Variants in MGAT4C observed in about 807,000 individuals in gnomAD.
MGAT4C encodes the protein MGAT4 family member C, also known as alpha-1,3-mannosyl-glycoprotein 4-beta-N-acetylglucosaminyltransferase C.
In MGAT4C, 19 loss-of-function variants were observed where a neutral mutation model predicts 40.1. That is an observed-to-expected ratio of 0.47 (90% CI 0.33 to 0.70). The LOEUF (loss-of-function observed/expected upper bound fraction) is 0.70. Among genes scored for constraint, MGAT4C ranks in the 30% least tolerant of loss-of-function variants. MGAT4C has a pLI of 0.02. For synonymous variants in MGAT4C, 181 were observed against 187.1 expected, an observed-to-expected ratio of 0.97 and a Z score of 0.27; for missense variants, 491 against 563.2, an observed-to-expected ratio of 0.87 and a Z score of 1.30.
intron 2 of MGAT4C, among the ~76,000 whole-genome samples, chr12:86,508,575 G>A (rs1280819393): frequency 6.6e-6 from 1 of 152,002 alleles, no homozygotes; most frequent in African/African-American, 2.4e-5. Context: ...TATATACCCA[G>A]TAATGGGATG....
chr12:86,224,867 T>C (rs1951017796), intron 1 of MGAT4C, among the ~76,000 whole-genome samples: 1 of 151,966 alleles, frequency 6.6e-6, no homozygotes, highest in African/African-American at 2.4e-5. Context: ...TCTAACTTTG[T>C]ACATTAAGGA....
At chr12:86,571,873 T>A (rs913226335) in intron 2 of MGAT4C, among the ~76,000 whole-genome samples, 5 of 152,094 alleles carry the variant, frequency 3.3e-5, no homozygotes, top group African/African-American at 1.2e-4. Flanking sequence ...TCAGAAGCCC[T>A]TTTAAGAAGG....
rs1883579505 is a variant in MGAT4C at position 85,970,653 on chromosome 12, T to G, written c.*8636A>C. On this transcript the variant is annotated 3_prime_UTR_variant, in exon 5 of 5. Transcript: ENST00000611864. ...TAAAGTACTAATTGAATTTAGTGATTAGACTGTGATTAGACTATTACAAAT... is the reference window on the plus strand; with the variant it reads ...TAAAGTACTAATTGAATTTAGTGATGAGACTGTGATTAGACTATTACAAAT... 1 of 147,894 alleles carries G rather than the reference T, an allele frequency of 6.8e-6. No individual in the cohort carries two copies. Among genetic ancestry groups the G allele is most frequent in the African/African-American group, 2.4e-5 (1 of 41,160 alleles). The allele number at this position is 147,894 out of a possible 1,614,324, so 9.2% of individuals were successfully genotyped here. A position where few individuals can be genotyped will look rare whatever the true frequency, so the allele number is the denominator to read the frequency against.
intron 2 of MGAT4C, among the ~76,000 whole-genome samples, chr12:86,668,511 G>A (rs1410008071): frequency 2.0e-5 from 3 of 152,194 alleles, no homozygotes; most frequent in Admixed American, 2.0e-4. Flanking sequence ...ACTGGGAACA[G>A]CTGCAGACAT....
chr12:86,473,485 A>G (rs1362060025), intron 2 of MGAT4C, among the ~76,000 whole-genome samples: 1 of 152,178 alleles, frequency 6.6e-6, no homozygotes, highest in Non-Finnish European at 1.5e-5. Context: ...ATTACCAGAG[A>G]TTGATGGAGA....
intron 4 of MGAT4C, among the ~76,000 whole-genome samples, chr12:86,272,795 G>A (rs979779000): frequency 3.3e-5 from 5 of 152,124 alleles, no homozygotes; most frequent in Non-Finnish European, 7.3e-5. Flanking sequence ...CGAAGCTACA[G>A]TAAGCAGTGA....
At chr12:86,513,105 G>C (rs975204613) in intron 2 of MGAT4C, among the ~76,000 whole-genome samples, 3 of 152,056 alleles carry the variant, frequency 2.0e-5, no homozygotes, top group African/African-American at 7.2e-5. Context: ...GTGTATGTAT[G>C]TATCCCCACA....
At chr12:86,123,301 T>C (rs1175761863) in intron 1 of MGAT4C, among the ~76,000 whole-genome samples, 1 of 152,152 alleles carries the variant, frequency 6.6e-6, no homozygotes, top group African/African-American at 2.4e-5. Flanking sequence ...CTGGGAGTGA[T>C]TTGAAACAAA....
chr12:86,742,819 A>T (rs1295647007), intron 1 of MGAT4C, among the ~76,000 whole-genome samples: 3 of 151,382 alleles, frequency 2.0e-5, no homozygotes, highest in Non-Finnish European at 3.0e-5. Flanking sequence ...ATAAAAAAAT[A>T]ATACTAACAT....
At chr12:86,635,299 G>A (rs1478704809) in intron 2 of MGAT4C, among the ~76,000 whole-genome samples, 1 of 151,996 alleles carries the variant, frequency 6.6e-6, no homozygotes, top group Non-Finnish European at 1.5e-5. Flanking sequence ...TTGGTTGCTG[G>A]GGTAAGAAAA....
At chr12:86,714,941 A>C (rs944772966) in intron 2 of MGAT4C, among the ~76,000 whole-genome samples, 1 of 152,158 alleles carries the variant, frequency 6.6e-6, no homozygotes, top group African/African-American at 2.4e-5. Flanking sequence ...GAGGGCTTTA[A>C]CCATAAATGA....
At chr12:86,700,896 T>C (rs1215298270) in intron 2 of MGAT4C, among the ~76,000 whole-genome samples, 1 of 152,108 alleles carries the variant, frequency 6.6e-6, no homozygotes. Flanking sequence ...TTATTGATAG[T>C]AGAGAATTTC....
chr12:86,709,966 C>CAG (rs997233276), intron 2 of MGAT4C, among the ~76,000 whole-genome samples: 9 of 152,110 alleles, frequency 5.9e-5, no homozygotes, highest in Non-Finnish European at 8.8e-5. Flanking sequence ...TTCTCAGAGA[C>CAG]AACTAAGAGT....
intron 2 of MGAT4C, among the ~76,000 whole-genome samples, chr12:86,545,425 T>C (rs1398340791): frequency 1.3e-5 from 2 of 151,978 alleles, no homozygotes; most frequent in Non-Finnish European, 1.5e-5. Flanking sequence ...ACTCAGTCTA[T>C]AGTTCAATAT....
chr12:86,427,095 T>C (rs985337163), intron 3 of MGAT4C, among the ~76,000 whole-genome samples: 2 of 152,158 alleles, frequency 1.3e-5, no homozygotes, highest in African/African-American at 2.4e-5. Flanking sequence ...AGAAAGGCCA[T>C]CACAGATTTG....
intron 2 of MGAT4C, among the ~76,000 whole-genome samples, chr12:86,029,943 AG>A (rs1890592164): frequency 1.3e-5 from 2 of 151,874 alleles, no homozygotes; most frequent in Admixed American, 1.3e-4. Flanking sequence ...ATAAACATTA[AG>A]TTTCTTAACA....
At chr12:86,465,923 T>C (rs1957674435) in intron 2 of MGAT4C, among the ~76,000 whole-genome samples, 1 of 152,036 alleles carries the variant, frequency 6.6e-6, no homozygotes. Context: ...AAAACCTAAA[T>C]GTAGGCCGGG....
Position 85,968,825 on chromosome 12 carries a change from TA to T in MGAT4C, c.*10463del. The T allele has an allele frequency of 6.6e-6, 1 of 151,822 alleles. No homozygotes were observed. Among genetic ancestry groups the T allele is most frequent in the East Asian group, 1.9e-4 (1 of 5,194 alleles). 9.4% of individuals were successfully genotyped at this position (151,822 alleles called of 1,614,324 possible). A position where few individuals can be genotyped will look rare whatever the true frequency, so the allele number is the denominator to read the frequency against. ...AGAGATGTTAATGAACAGCCAGACT[TA>T]AAAACTAGTAATTTAGACAAGTGTG... is the stretch of plus-strand genomic sequence containing the variant. On this transcript the variant is annotated 3_prime_UTR_variant, in exon 5 of 5. Coordinates refer to ENST00000611864, the MANE Select transcript of MGAT4C (RefSeq NM_001351288.2).
chr12:86,798,977 C>A (rs1370105761), intron 1 of MGAT4C, among the ~76,000 whole-genome samples: 1 of 151,708 alleles, frequency 6.6e-6, no homozygotes, highest in Non-Finnish European at 1.5e-5. Flanking sequence ...ATAGAAGGGA[C>A]CTTTGCTTAA....
Sources: allele counts gnomAD v4.1 joint callset (sites outside exome capture counted in the v4.1 genomes callset), GRCh38; gene constraint gnomAD v4.1.1; transcripts MANE v1.5; gene names NCBI Gene and HGNC (gene_info 2026-07-23, HGNC 2026-07-21).